The following RAI14 variants were observed in gnomAD, a reference collection of about 807,000 sequenced individuals.
The protein encoded by RAI14 is retinoic acid induced 14.
Under a neutral mutation model 115.4 loss-of-function variants are expected in RAI14, and 45 were observed. That is an observed-to-expected ratio of 0.39 (90% confidence interval 0.31 to 0.50). The LOEUF (loss-of-function observed/expected upper bound fraction) is 0.50, where lower values mean the gene tolerates loss of function less well. RAI14 is among the 20% of genes least tolerant of loss of function. RAI14 has a pLI of 0.85. For synonymous variants in RAI14, 371 were observed against 415.4 expected (o/e 0.89, Z 1.30); for missense variants, 939 against 1,131.2 (o/e 0.83, Z 2.44).
chr5:34,801,479 C>T lies in RAI14; in HGVS notation c.257-2233C>T, dbSNP rs1374331010. Among the ~76,000 whole-genome samples the T allele has an allele frequency of 2.2e-5, 3 of 135,488 alleles. No homozygotes were observed. The Admixed American group carries it at 2.5e-4, about 11-fold the overall frequency. The allele number at this position is 135,488 out of a possible 152,430, so 88.9% of individuals were successfully genotyped here. ...AAAAATGGGGCCGGGCGCAGTGGCT[C>T]ATGCCTGTAATCCACACTTTGGGAG... On this transcript the variant is annotated intron_variant, in intron 4 of 17. Transcript: ENST00000265109.
chr5:34,717,010 C>G (rs1742081106), intron 2 of RAI14: 1 of 152,172 alleles, frequency 6.6e-6, no homozygotes, highest in Non-Finnish European at 1.5e-5. Flanking sequence ...GAAATGTTCT[C>G]TCACTGCTGG....
intron 2 of RAI14, among the ~76,000 whole-genome samples, chr5:34,747,399 C>T (rs867681579): frequency 2.0e-4 from 31 of 152,194 alleles, no homozygotes; most frequent in African/African-American, 5.8e-4. Context: ...TAGTCTAGCA[C>T]GGATAAACAA....
At chr5:34,799,489 CACAG>C (rs1281386739) in intron 4 of RAI14, among the ~76,000 whole-genome samples, 1 of 107,076 alleles carries the variant, frequency 9.3e-6, no homozygotes, top group Non-Finnish European at 1.8e-5. Flanking sequence ...AAAACACACA[CACAG>C]ACACACACAC....
intron 1 of RAI14, among the ~76,000 whole-genome samples, chr5:34,667,561 T>A (rs545589758): frequency 4.2e-4 from 64 of 152,292 alleles, no homozygotes; most frequent in African/African-American, 7.9e-4. Context: ...TATTATTATT[T>A]TTTTTGCATT....
intron 11 of RAI14, 137 bp from the exon 12 acceptor site, chr5:34,814,446 C>T (rs944036942): frequency 2.3e-5 from 15 of 640,256 alleles, no homozygotes; most frequent in Admixed American, 1.6e-4. Flanking sequence ...ATATTCTACC[C>T]GTGAATTAAT....
intron 2 of RAI14, among the ~76,000 whole-genome samples, chr5:34,712,650 T>C (rs968132489): frequency 4.6e-5 from 7 of 152,196 alleles, no homozygotes; most frequent in African/African-American, 1.7e-4. Context: ...CACTGAGTTA[T>C]ATATAAGGAT....
At chr5:34,730,721 G>A (rs1172990536) in intron 2 of RAI14, among the ~76,000 whole-genome samples, 2 of 152,294 alleles carry the variant, frequency 1.3e-5, no homozygotes, top group East Asian at 1.9e-4. Flanking sequence ...GGTGGCCCAC[G>A]CCTGTTATCC....
At position 34,714,841 on chromosome 5, in the gene RAI14, T is replaced by C. The variant is rs1027893301; in HGVS notation, c.36+27886T>C. ...GCAGTAGCCCAACCTTGAAAACAGC[T>C]ATGCTGGAAGGATCAATGACTCTAG... On this transcript the variant is annotated intron_variant, in intron 2 of 17. Transcript: ENST00000265109. Among the ~76,000 whole-genome samples the C allele has an allele frequency of 4.6e-5, 7 of 152,222 alleles. No homozygotes were observed. The East Asian group carries it at 1.4e-3, about 29-fold the overall frequency.
intron 12 of RAI14, 145 bp downstream of exon 12, chr5:34,814,814 T>C (rs1397696147): frequency 1.5e-6 from 1 of 652,098 alleles, no homozygotes. Context: ...CCCTTGATTA[T>C]TTTTTCTGGC....
At chr5:34,819,814 A>G (rs960698676) in intron 13 of RAI14, among the ~76,000 whole-genome samples, 5 of 152,078 alleles carry the variant, frequency 3.3e-5, no homozygotes, top group East Asian at 1.9e-4. Context: ...TATTGCCCAG[A>G]CTGGTCTCAA....
intron 3 of RAI14, among the ~76,000 whole-genome samples, chr5:34,776,306 A>G (rs1210345830): frequency 6.6e-6 from 1 of 152,194 alleles, no homozygotes; most frequent in Non-Finnish European, 1.5e-5. Flanking sequence ...AATGGGTATA[A>G]AAATATAGTT....
intron 3 of RAI14, among the ~76,000 whole-genome samples, chr5:34,778,417 G>A (rs777357653): frequency 3.3e-5 from 5 of 152,258 alleles, no homozygotes; most frequent in African/African-American, 4.8e-5. Context: ...TACCCTGGCC[G>A]GGCATGGTGG....
chr5:34,779,386 G>A (rs936729933), intron 3 of RAI14, among the ~76,000 whole-genome samples: 10 of 152,156 alleles, frequency 6.6e-5, no homozygotes, highest in Admixed American at 5.9e-4. Context: ...AATCAGGCAG[G>A]AGAAAGAAAT....
chr5:34,677,426 C>T (rs577086701), intron 1 of RAI14, among the ~76,000 whole-genome samples: 2 of 152,018 alleles, frequency 1.3e-5, no homozygotes, highest in East Asian at 3.9e-4. Flanking sequence ...TCTGGGATTA[C>T]AGGCGTGAGC....
intron 2 of RAI14, among the ~76,000 whole-genome samples, chr5:34,723,733 T>C (rs1580031236): frequency 6.6e-6 from 1 of 152,242 alleles, no homozygotes; most frequent in East Asian, 1.9e-4. Flanking sequence ...TTTTTACATG[T>C]ATAACATCAC....
At chr5:34,755,736 T>G (rs1037816460) in intron 2 of RAI14, among the ~76,000 whole-genome samples, 5 of 152,216 alleles carry the variant, frequency 3.3e-5, no homozygotes, top group Non-Finnish European at 5.9e-5. Flanking sequence ...CTATAGTATT[T>G]GAAAGCCCAG....
At chr5:34,675,413 T>A (rs1441694257) in intron 1 of RAI14, among the ~76,000 whole-genome samples, 1 of 152,148 alleles carries the variant, frequency 6.6e-6, no homozygotes, top group Non-Finnish European at 1.5e-5. Context: ...CAACCACCAA[T>A]CTACTTTTTG....
chr5:34,803,568 A>G, intron 4 of RAI14, 144 bp from the exon 5 acceptor site: 2 of 688,844 alleles, frequency 2.9e-6, no homozygotes, highest in Non-Finnish European at 4.6e-6. Flanking sequence ...AAAAACAAAA[A>G]AACAAACAAA....
chr5:34,684,060 G>T (rs912903358), intron 1 of RAI14, among the ~76,000 whole-genome samples: 5 of 152,188 alleles, frequency 3.3e-5, no homozygotes, highest in Admixed American at 2.0e-4. Context: ...AGTTGGCGTA[G>T]AAACCCTGGC....
Sources: allele counts gnomAD v4.1 joint callset (sites outside exome capture counted in the v4.1 genomes callset), GRCh38; gene constraint gnomAD v4.1.1; transcripts MANE v1.5; gene names NCBI Gene and HGNC (gene_info 2026-07-23, HGNC 2026-07-21).